HS3ST2: variants seen among roughly 807,000 people sequenced by gnomAD.
HS3ST2 encodes the protein heparan sulfate-glucosamine 3-sulfotransferase 2, also known as heparan sulfate glucosamine 3-O-sulfotransferase 2.
HS3ST2 carries 17 observed loss-of-function variants against 26.3 expected under a neutral mutation model. The observed-to-expected ratio is 0.65, with a 90% CI of 0.44 to 0.97. HS3ST2 has a LOEUF of 0.97. HS3ST2 is among the 50% of genes least tolerant of loss of function. The pLI, the probability that HS3ST2 is intolerant of heterozygous loss-of-function variation, is 0.00. For synonymous variants in HS3ST2, 237 were observed against 219.2 expected, an observed-to-expected ratio of 1.08 and a Z score of -0.72; for missense variants, 402 against 501.2, an observed-to-expected ratio of 0.80 and a Z score of 1.89.
chr16:22,900,196 G>A (rs1043671713), intron 1 of HS3ST2, among the ~76,000 whole-genome samples: 55 of 152,340 alleles, frequency 3.6e-4, no homozygotes, highest in African/African-American at 1.3e-3. Context: ...CCCATCAGAG[G>A]AAGGATAGAA....
At chr16:22,872,925 G>A (rs779564384) in intron 1 of HS3ST2, among the ~76,000 whole-genome samples, 7 of 151,984 alleles carry the variant, frequency 4.6e-5, no homozygotes, top group Non-Finnish European at 8.8e-5. Flanking sequence ...GAAAGTGTAG[G>A]CTCTGGAGCC....
chr16:22,837,594 C>CAT (rs1329241393), intron 1 of HS3ST2, among the ~76,000 whole-genome samples: 3 of 141,876 alleles, frequency 2.1e-5, no homozygotes, highest in Non-Finnish European at 3.0e-5. Context: ...CACACACGGA[C>CAT]ATATATATAT....
chr16:22,873,030 G>A (rs892141472), intron 1 of HS3ST2, among the ~76,000 whole-genome samples: 4 of 152,156 alleles, frequency 2.6e-5, no homozygotes, highest in African/African-American at 2.4e-5. Flanking sequence ...TTCCTTATAT[G>A]TAAAGTGATG....
At chr16:22,904,389 C>A (rs1266759547) in intron 1 of HS3ST2, among the ~76,000 whole-genome samples, 1 of 152,088 alleles carries the variant, frequency 6.6e-6, no homozygotes, top group Non-Finnish European at 1.5e-5. Flanking sequence ...ATAGAGATGC[C>A]ACAGTCATGA....
intron 1 of HS3ST2, among the ~76,000 whole-genome samples, chr16:22,828,503 C>T (rs765672944): frequency 1.3e-5 from 2 of 152,214 alleles, no homozygotes; most frequent in African/African-American, 2.4e-5. Flanking sequence ...TGAATCTCTC[C>T]GACTTTCCCA....
chr16:22,857,830 C>T (rs145390704), intron 1 of HS3ST2, among the ~76,000 whole-genome samples: 31 of 152,262 alleles, frequency 2.0e-4, no homozygotes, highest in Non-Finnish European at 3.5e-4. Flanking sequence ...CTTATGATCG[C>T]GCAAACACAG....
At chr16:22,881,792 C>T (rs1901993995) in intron 1 of HS3ST2, among the ~76,000 whole-genome samples, 1 of 152,182 alleles carries the variant, frequency 6.6e-6, no homozygotes, top group Non-Finnish European at 1.5e-5. Flanking sequence ...GTCCTTTGCT[C>T]ACTTCTCTTC....
intron 1 of HS3ST2, among the ~76,000 whole-genome samples, chr16:22,859,882 GGCAGTGGGGTGGAT>G (rs996834753): frequency 6.6e-6 from 1 of 152,160 alleles, no homozygotes; most frequent in African/African-American, 2.4e-5. Flanking sequence ...AGGGGTGATT[GGCAGTGGGGTGGAT>G]GCAGAATGGG....
intron 1 of HS3ST2, among the ~76,000 whole-genome samples, chr16:22,874,941 G>A (rs1746278485): frequency 1.3e-5 from 2 of 152,128 alleles, no homozygotes; most frequent in Admixed American, 6.5e-5. Context: ...CAGGGGCCAA[G>A]GCTGCACGAA....
intron 1 of HS3ST2, among the ~76,000 whole-genome samples, chr16:22,865,666 C>T (rs1035252670): frequency 2.6e-5 from 4 of 152,164 alleles, no homozygotes; most frequent in African/African-American, 9.7e-5. Context: ...AAATATACTT[C>T]CTTGTTTATT....
chr16:22,818,554 C>A (rs921449576), intron 1 of HS3ST2, among the ~76,000 whole-genome samples: 25 of 152,126 alleles, frequency 1.6e-4, no homozygotes, highest in African/African-American at 6.0e-4. Context: ...GTTACTAAAT[C>A]GGGCTGAGGA....
chr16:22,895,542 T>G (rs1902199341), intron 1 of HS3ST2, among the ~76,000 whole-genome samples: 1 of 152,192 alleles, frequency 6.6e-6, no homozygotes, highest in Non-Finnish European at 1.5e-5. Flanking sequence ...CTCTCCATTT[T>G]CATATAAAAT....
intron 1 of HS3ST2, among the ~76,000 whole-genome samples, chr16:22,865,290 C>T (rs905606638): frequency 8.5e-5 from 13 of 152,116 alleles, no homozygotes; most frequent in Admixed American, 5.2e-4. Flanking sequence ...CGCGGTGGCT[C>T]ATGCCTGTAA....
At chr16:22,892,332 T>A (rs1902142190) in intron 1 of HS3ST2, among the ~76,000 whole-genome samples, 1 of 151,780 alleles carries the variant, frequency 6.6e-6, no homozygotes, top group Non-Finnish European at 1.5e-5. Flanking sequence ...AGTGGTATAT[T>A]TTATATATAG....
intron 1 of HS3ST2, among the ~76,000 whole-genome samples, chr16:22,865,871 T>A (rs1409664114): frequency 6.6e-6 from 1 of 152,202 alleles, no homozygotes; most frequent in East Asian, 1.9e-4. Flanking sequence ...CAAGAATGTC[T>A]TGTTATTAGC....
chr16:22,893,401 G>A (rs1308419296), intron 1 of HS3ST2, among the ~76,000 whole-genome samples: 3 of 152,210 alleles, frequency 2.0e-5, no homozygotes, highest in African/African-American at 7.2e-5. Context: ...CTATGGGGTT[G>A]AGATGGATAT....
intron 1 of HS3ST2, among the ~76,000 whole-genome samples, chr16:22,861,767 G>A (rs1175941353): frequency 6.6e-6 from 1 of 152,076 alleles, no homozygotes; most frequent in East Asian, 1.9e-4. Context: ...TCCTCTGTGG[G>A]CCTCCTACTT....
At chr16:22,816,808 C>T (rs963583326) in intron 1 of HS3ST2, among the ~76,000 whole-genome samples, 2 of 152,206 alleles carry the variant, frequency 1.3e-5, no homozygotes, top group African/African-American at 4.8e-5. Flanking sequence ...AGCATTTCCT[C>T]GATGGAAAAT....
At chr16:22,907,942 A>G (rs1204256815) in intron 1 of HS3ST2, among the ~76,000 whole-genome samples, 1 of 152,182 alleles carries the variant, frequency 6.6e-6, no homozygotes, top group African/African-American at 2.4e-5. Context: ...GTTTGAGACC[A>G]GCCAGGGCAA....
Sources: allele counts gnomAD v4.1 joint callset (sites outside exome capture counted in the v4.1 genomes callset), GRCh38; gene constraint gnomAD v4.1.1; transcripts MANE v1.5; gene names NCBI Gene and HGNC (gene_info 2026-07-23, HGNC 2026-07-21).